Variants in HECW2 observed in about 807,000 individuals in gnomAD.
HECW2 encodes the protein E3 ubiquitin-protein ligase HECW2.
A neutral mutation model predicts 175.2 loss-of-function variants in HECW2; 61 were observed. That is an observed-to-expected ratio of 0.35 (90% confidence interval 0.28 to 0.43). The LOEUF (loss-of-function observed/expected upper bound fraction) is 0.43, where lower values mean the gene tolerates loss of function less well. HECW2 is among the 20% of genes least tolerant of loss of function. The pLI, the probability that HECW2 is intolerant of heterozygous loss-of-function variation, is 1.00. For synonymous variants in HECW2, 671 were observed against 731.0 expected, an observed-to-expected ratio of 0.92 and a Z score of 1.32; for missense variants, 1,524 against 2,000.5, an observed-to-expected ratio of 0.76 and a Z score of 4.54.
At chr2:196,323,915 G>GTTTTTTTTTT (rs1160140452) in intron 6 of HECW2, among the ~76,000 whole-genome samples, 5 of 68,796 alleles carry the variant, frequency 7.3e-5, no homozygotes, top group East Asian at 5.3e-4. Flanking sequence ...TTTGTTTTTT[G>GTTTTTTTTTT]TTTGTTTTTT....
chr2:196,273,882 A>G, intron 16 of HECW2, 139 bp downstream of exon 16: 1 of 585,934 alleles, frequency 1.7e-6, no homozygotes, highest in Non-Finnish European at 3.0e-6. Flanking sequence ...TTTGTTATAC[A>G]TTTCTTAAGG....
At chr2:196,490,443 CAA>C (rs1252585955) in intron 1 of HECW2, among the ~76,000 whole-genome samples, 2 of 152,170 alleles carry the variant, frequency 1.3e-5, no homozygotes, top group African/African-American at 4.8e-5. Flanking sequence ...AATGAGACTT[CAA>C]AGACTCTAAA....
chr2:196,444,540 A>G (rs1696129305), intron 1 of HECW2, among the ~76,000 whole-genome samples: 1 of 152,310 alleles, frequency 6.6e-6, no homozygotes, highest in East Asian at 1.9e-4. Flanking sequence ...TTTCATACCT[A>G]GACCACCACT....
intron 1 of HECW2, among the ~76,000 whole-genome samples, chr2:196,457,886 T>C (rs1334086289): frequency 6.6e-6 from 1 of 152,214 alleles, no homozygotes; most frequent in Non-Finnish European, 1.5e-5. Flanking sequence ...TATGCCAAAG[T>C]ATTTATCAAT....
intron 1 of HECW2, among the ~76,000 whole-genome samples, chr2:196,455,797 G>T (rs1011888799): frequency 7.9e-5 from 12 of 151,906 alleles, no homozygotes; most frequent in Non-Finnish European, 1.5e-5. Context: ...AAATTAATTT[G>T]CAAGACAAAA....
intron 2 of HECW2, among the ~76,000 whole-genome samples, chr2:196,410,173 C>A (rs1575513073): frequency 6.6e-6 from 1 of 152,310 alleles, no homozygotes; most frequent in East Asian, 1.9e-4. Flanking sequence ...TTCTGCTCTG[C>A]CAAGTGTTCT....
chr2:196,320,530 C>T (rs1691903633), intron 7 of HECW2, 91 bp from the exon 8 acceptor site: 1 of 717,386 alleles, frequency 1.4e-6, no homozygotes, highest in Non-Finnish European at 2.5e-6. Context: ...TCCCTCCTAT[C>T]TCTCTTAAAA....
chr2:196,429,752 G>A (rs1695653404), intron 2 of HECW2, among the ~76,000 whole-genome samples: 1 of 152,200 alleles, frequency 6.6e-6, no homozygotes, highest in African/African-American at 2.4e-5. Context: ...CAGTTCTGCT[G>A]AGCTTGGATA....
rs144712201 is a variant in HECW2 at position 196,307,169 on chromosome 2, C to T, written c.2650G>A (p.Gly884Arg). The change falls in exon 12 of 29, where the codon GGG becomes AGG. Residue 884 changes from glycine (G) to arginine (R), a missense_variant. Coordinates refer to ENST00000644978, the MANE Select transcript of HECW2 (RefSeq NM_001348768.2). ...RPEENTNAID[G>R]AGEEADFHQA... is the part of the protein sequence containing the mutation. ...TGAAAGTCAGCTTCCTCCCCTGCCC[C>T]ATCAATAGCATTGGTATTTTCCTCA... is the stretch of plus-strand genomic sequence containing the variant. 1.2e-6 allele frequency: 2 copies of T among 1,614,008 alleles called. No individual in the cohort carries two copies. The highest frequency in any genetic ancestry group is 1.7e-6 in the Non-Finnish European group (2 of 1,179,858).
chr2:196,529,509 C>G (rs944421826), intron 1 of HECW2, among the ~76,000 whole-genome samples: 4 of 152,144 alleles, frequency 2.6e-5, no homozygotes, highest in African/African-American at 9.7e-5. Flanking sequence ...CCCCTCATGC[C>G]AGGCTCAAAT....
At chr2:196,389,184 A>T (rs1694436089) in intron 2 of HECW2, among the ~76,000 whole-genome samples, 1 of 152,178 alleles carries the variant, frequency 6.6e-6, no homozygotes, top group African/African-American at 2.4e-5. Context: ...TCTCTTTATA[A>T]GTCACAGCCA....
intron 1 of HECW2, among the ~76,000 whole-genome samples, chr2:196,452,559 T>C (rs1238078194): frequency 1.3e-5 from 2 of 152,148 alleles, no homozygotes; most frequent in African/African-American, 4.8e-5. Context: ...TAATATCCAC[T>C]AATATAAATC....
At chr2:196,503,547 T>C (rs1687645383) in intron 1 of HECW2, among the ~76,000 whole-genome samples, 1 of 152,122 alleles carries the variant, frequency 6.6e-6, no homozygotes. Context: ...GTGCTCCCCC[T>C]ACTCCTTCTG....
chr2:196,470,111 T>A (rs887917681), intron 1 of HECW2, among the ~76,000 whole-genome samples: 4 of 152,156 alleles, frequency 2.6e-5, no homozygotes, highest in African/African-American at 7.2e-5. Flanking sequence ...TAAAAATTTA[T>A]ATTCTGTTTT....
chr2:196,267,616 A>G (rs560974216), intron 17 of HECW2, among the ~76,000 whole-genome samples: 3 of 152,356 alleles, frequency 2.0e-5, no homozygotes, highest in African/African-American at 7.2e-5. Flanking sequence ...ATTTAAATAC[A>G]GCAGTTGAAA....
intron 2 of HECW2, among the ~76,000 whole-genome samples, chr2:196,358,796 C>T (rs549499879): frequency 6.6e-6 from 1 of 152,164 alleles, no homozygotes; most frequent in South Asian, 2.1e-4. Context: ...TGAAACTCTG[C>T]TTTCTTAATC....
chr2:196,512,838 C>T (rs1030596991), intron 1 of HECW2, among the ~76,000 whole-genome samples: 2 of 151,820 alleles, frequency 1.3e-5, no homozygotes, highest in Admixed American at 1.3e-4. Flanking sequence ...TACAGGTGCA[C>T]ACCACCATGC....
At chr2:196,280,850 C>T (rs905193439) in intron 14 of HECW2, among the ~76,000 whole-genome samples, 2 of 152,170 alleles carry the variant, frequency 1.3e-5, no homozygotes, top group Admixed American at 6.5e-5. Context: ...TGGCTAATAC[C>T]TATTTTTAAA....
At chr2:196,223,065 G>C (rs1385560398) in intron 23 of HECW2, among the ~76,000 whole-genome samples, 1 of 152,048 alleles carries the variant, frequency 6.6e-6, no homozygotes. Flanking sequence ...AATTTTAAGG[G>C]TCATTTTTTT....
Sources: gnomAD v4.1 joint callset for allele counts (sites outside exome capture counted in the v4.1 genomes callset) on GRCh38, gnomAD v4.1.1 for gene constraint, MANE v1.5 for transcripts, NCBI Gene and HGNC (gene_info 2026-07-23, HGNC 2026-07-21) for gene names.